SINHCAF: variants seen among roughly 807,000 people sequenced by gnomAD.
SINHCAF encodes the protein SIN3-HDAC complex associated factor, also known as SIN3-HDAC complex-associated factor.
In SINHCAF, 3 loss-of-function variants were observed where a neutral mutation model predicts 25.8. The ratio of observed to expected loss-of-function variants is 0.12; its 90% confidence interval spans 0.05 to 0.30. The LOEUF (loss-of-function observed/expected upper bound fraction) is 0.30, where lower values mean the gene tolerates loss of function less well. SINHCAF is among the 10% of genes least tolerant of loss of function. SINHCAF has a pLI of 1.00. For synonymous variants in SINHCAF, 70 were observed against 85.5 expected, an observed-to-expected ratio of 0.82 and a Z score of 1.00; for missense variants, 121 against 262.3, an observed-to-expected ratio of 0.46 and a Z score of 3.72.
intron 1 of SINHCAF, among the ~76,000 whole-genome samples, chr12:31,300,052 CATATGGCTGT>C (rs1336160483): frequency 6.6e-6 from 1 of 152,204 alleles, no homozygotes; most frequent in African/African-American, 2.4e-5. Context: ...CCTTGTGTGA[CATATGGCTGT>C]ATTTGTCTTT....
At chr12:31,310,870 CTT>C (rs901142862) in intron 1 of SINHCAF, among the ~76,000 whole-genome samples, 20 of 139,802 alleles carry the variant, frequency 1.4e-4, no homozygotes, top group Middle Eastern at 3.7e-3. Flanking sequence ...AATCTACGAT[CTT>C]TTTTTTTTTT....
chr12:31,307,969 C>T (rs1402648507), intron 1 of SINHCAF, among the ~76,000 whole-genome samples: 2 of 152,074 alleles, frequency 1.3e-5, no homozygotes, highest in Non-Finnish European at 2.9e-5. Flanking sequence ...AAAACAACAA[C>T]AACAGACTCT....
chr12:31,298,181 C>T lies in SINHCAF; in HGVS notation c.24G>A (p.Lys8=). 1 of 1,614,164 alleles carries T rather than the reference C, an allele frequency of 6.2e-7. No homozygotes were observed. The change falls in exon 2 of 6, where the codon AAG becomes AAA. Residue 8 remains lysine, a synonymous_variant. Coordinates refer to ENST00000337682, the MANE Select transcript of SINHCAF (RefSeq NM_001135812.2). Reference sequence around the variant, plus strand: ...AGCAGCCCTCTATACTTCGGTACATCTTTGGCTTGTGAAAACCAAACATCT... The same window carrying T: ...AGCAGCCCTCTATACTTCGGTACATTTTTGGCTTGTGAAAACCAAACATCT... The part of the protein sequence containing the change: MFGFHKP[K]MYRSIEGCCI...
At chr12:31,289,356 G>A (rs77000642) in intron 4 of SINHCAF, among the ~76,000 whole-genome samples, 1,743 of 152,214 alleles carry the variant, frequency 0.011, 16 homozygotes, top group East Asian at 0.037. Context: ...GCCAAAACAC[G>A]TCATAATTAA....
chr12:31,323,820 G>C (rs934465797), intron 1 of SINHCAF: 2 of 408,104 alleles, frequency 4.9e-6, no homozygotes, highest in Non-Finnish European at 1.0e-5. Context: ...GGCGTCGTCG[G>C]GGCTGGGTCC....
At chr12:31,320,155 A>G (rs1442186495) in intron 1 of SINHCAF, among the ~76,000 whole-genome samples, 3 of 152,120 alleles carry the variant, frequency 2.0e-5, no homozygotes, top group Non-Finnish European at 2.9e-5. Flanking sequence ...CTTCCCTTCC[A>G]AGGTACCAAC....
At chr12:31,293,105 G>T (rs1938400969) in intron 4 of SINHCAF, among the ~76,000 whole-genome samples, 1 of 152,104 alleles carries the variant, frequency 6.6e-6, no homozygotes, top group South Asian at 2.1e-4. Flanking sequence ...GCTACTTTTT[G>T]CTGTAAAAAT....
At chr12:31,298,531 T>C in intron 1 of SINHCAF, 1 of 324,520 alleles carries the variant, frequency 3.1e-6, no homozygotes, top group African/African-American at 2.1e-5. Context: ...AAGTAAGAAA[T>C]GCCACAAACA....
intron 1 of SINHCAF, among the ~76,000 whole-genome samples, chr12:31,321,911 A>C (rs117471128): frequency 0.064 from 9,737 of 152,226 alleles, 460 homozygotes; most frequent in Non-Finnish European, 0.098. Context: ...AATGGTTCTT[A>C]AATTGCTTCT....
At chr12:31,323,875 C>T (rs1291130394) in intron 1 of SINHCAF, 1 of 442,154 alleles carries the variant, frequency 2.3e-6, no homozygotes, top group Non-Finnish European at 4.6e-6. Flanking sequence ...AGGTGCTCGC[C>T]GCCCTCACCC....
chr12:31,287,935 A>T (rs1938145933), intron 4 of SINHCAF, 151 bp from the exon 5 acceptor site: 2 of 515,824 alleles, frequency 3.9e-6, no homozygotes, highest in Admixed American at 6.8e-5. Context: ...ATTTGAAGAT[A>T]TTCAGACTAA....
Position 31,324,512 on chromosome 12 carries a change from G to A in SINHCAF, c.-21+1512C>T. Reference sequence around the variant, plus strand: ...CATGGCACCTCGCACAAGTAGCGCCGCCAAAGTTTCCCCACGAGGGGGCTG... The same window carrying A: ...CATGGCACCTCGCACAAGTAGCGCCACCAAAGTTTCCCCACGAGGGGGCTG... On this transcript the variant is annotated intron_variant, in intron 1 of 5. Transcript: ENST00000337682. This position sits in a 1 kb window ranked among gnomAD's most constrained non-coding sequence, Gnocchi z 5.5. The A allele has an allele frequency of 6.1e-6, 1 of 164,772 alleles. No homozygotes were observed. The highest frequency in any genetic ancestry group is 1.3e-5 in the Non-Finnish European group (1 of 76,402). The allele number at this position is 164,772 out of a possible 1,614,324, so 10.2% of individuals were successfully genotyped here. A position where few individuals can be genotyped will look rare whatever the true frequency, so the allele number is the denominator to read the frequency against.
intron 1 of SINHCAF, among the ~76,000 whole-genome samples, chr12:31,316,344 CAACA>C (rs1388699703): frequency 6.6e-6 from 1 of 151,988 alleles, no homozygotes; most frequent in Non-Finnish European, 1.5e-5. Context: ...TTTTAAAACA[CAACA>C]ATCAATTCTA....
chr12:31,314,238 T>C (rs772273184), intron 1 of SINHCAF, among the ~76,000 whole-genome samples: 7 of 151,094 alleles, frequency 4.6e-5, no homozygotes, highest in Middle Eastern at 3.2e-3. Flanking sequence ...AAGATGAAGA[T>C]AGAGTGGCAG....
intron 3 of SINHCAF, among the ~76,000 whole-genome samples, chr12:31,294,276 A>G (rs1411575269): frequency 1.3e-5 from 2 of 152,236 alleles, no homozygotes; most frequent in Non-Finnish European, 2.9e-5. Flanking sequence ...CAGTTTACGA[A>G]AAGCTTTCAT....
chr12:31,323,215 T>A (rs1202583553), intron 1 of SINHCAF, among the ~76,000 whole-genome samples: 1 of 152,148 alleles, frequency 6.6e-6, no homozygotes, highest in African/African-American at 2.4e-5. Context: ...CCAAAATCAT[T>A]ATATAAATAC....
intron 1 of SINHCAF, among the ~76,000 whole-genome samples, chr12:31,320,231 G>T (rs1939648020): frequency 6.6e-6 from 1 of 152,176 alleles, no homozygotes; most frequent in South Asian, 2.1e-4. Context: ...ATCTGCTCCT[G>T]CCTACCAGCT....
At chr12:31,297,920 T>C (rs1284528560) in intron 2 of SINHCAF, among the ~76,000 whole-genome samples, 157 bp downstream of exon 2, 1 of 152,186 alleles carries the variant, frequency 6.6e-6, no homozygotes, top group Non-Finnish European at 1.5e-5. Flanking sequence ...GTCAGCATTG[T>C]TTGATTCATT....
At chr12:31,305,176 G>A (rs1938969283) in intron 1 of SINHCAF, 1 of 152,176 alleles carries the variant, frequency 6.6e-6, no homozygotes, top group Non-Finnish European at 1.5e-5. Flanking sequence ...TAACTCTGCT[G>A]TGCATGGATT....
Sources: allele counts gnomAD v4.1 joint callset (sites outside exome capture counted in the v4.1 genomes callset), GRCh38; gene constraint gnomAD v4.1.1; non-coding constraint Gnocchi (gnomAD v3.1); transcripts MANE v1.5; gene names NCBI Gene and HGNC (gene_info 2026-07-23, HGNC 2026-07-21).